CFAP54: variants seen among roughly 807,000 people sequenced by gnomAD.
The protein encoded by CFAP54 is cilia- and flagella-associated protein 54.
In CFAP54, 290 loss-of-function variants were observed where a neutral mutation model predicts 370.4. The observed-to-expected ratio is 0.78, with a 90% CI of 0.71 to 0.86. CFAP54 has a LOEUF of 0.86. Among genes scored for constraint, CFAP54 ranks in the 40% least tolerant of loss-of-function variants. The pLI, the probability that CFAP54 is intolerant of heterozygous loss-of-function variation, is 0.00. For synonymous variants in CFAP54, 1,206 were observed against 1,236.5 expected (o/e 0.98, Z 0.52); for missense variants, 3,399 against 3,528.7 (o/e 0.96, Z 0.93).
At chr12:96,753,283 GACAAAACAAA>G (rs563084899) in intron 55 of CFAP54, among the ~76,000 whole-genome samples, 9 of 152,142 alleles carry the variant, frequency 5.9e-5, no homozygotes, top group African/African-American at 1.9e-4. Context: ...TAGTGGAGAT[GACAAAACAAA>G]ACAAAACAAA....
intron 44 of CFAP54, among the ~76,000 whole-genome samples, chr12:96,692,322 G>T (rs528805227): frequency 6.6e-6 from 1 of 152,066 alleles, no homozygotes; most frequent in African/African-American, 2.4e-5. Context: ...TGAAGAAATA[G>T]TTCTATCCCC....
intron 9 of CFAP54, among the ~76,000 whole-genome samples, chr12:96,531,980 C>A (rs1025723915): frequency 2.0e-5 from 3 of 152,228 alleles, no homozygotes; most frequent in African/African-American, 7.2e-5. Flanking sequence ...CCTGCCTTGG[C>A]CTCCCAAGGT....
intron 65 of CFAP54, among the ~76,000 whole-genome samples, chr12:96,825,082 A>G (rs1381125221): frequency 6.7e-6 from 1 of 149,326 alleles, no homozygotes; most frequent in Non-Finnish European, 1.5e-5. Flanking sequence ...AATCTCTACC[A>G]GTTGAAGTTG....
chr12:96,712,355 T>C (rs1175605537), intron 48 of CFAP54, among the ~76,000 whole-genome samples: 9 of 152,172 alleles, frequency 5.9e-5, no homozygotes, highest in African/African-American at 2.2e-4. Flanking sequence ...TAAATTCTCA[T>C]ATGTACCAGG....
intron 66 of CFAP54, 49 bp downstream of exon 66, chr12:96,829,137 T>C: frequency 9.5e-7 from 1 of 1,051,028 alleles, no homozygotes; most frequent in Non-Finnish European, 1.4e-6. Flanking sequence ...ACAAGTATTA[T>C]TGCTATGAAA....
At chr12:96,848,136 G>A (rs150093561) in intron 66 of CFAP54, among the ~76,000 whole-genome samples, 229 of 152,196 alleles carry the variant, frequency 1.5e-3, no homozygotes, top group African/African-American at 5.3e-3. Context: ...TAGTACAATG[G>A]CACAATCTTG....
chr12:96,740,111 A>G (rs1958034526), intron 51 of CFAP54, 50 bp downstream of exon 51: 1 of 1,010,492 alleles, frequency 9.9e-7, no homozygotes, highest in Non-Finnish European at 1.5e-6. Context: ...TATAAGAACT[A>G]TTGGCATGCT....
chr12:96,711,222 T>C (rs1957610249), intron 48 of CFAP54, among the ~76,000 whole-genome samples: 1 of 150,004 alleles, frequency 6.7e-6, no homozygotes, highest in African/African-American at 2.4e-5. Context: ...TTTATAATTC[T>C]TTTTTTAAAT....
intron 63 of CFAP54, among the ~76,000 whole-genome samples, chr12:96,803,985 A>T (rs1264827488): frequency 6.6e-6 from 1 of 152,174 alleles, no homozygotes; most frequent in Non-Finnish European, 1.5e-5. Context: ...ACCAATACAA[A>T]GAAATCAGAA....
intron 6 of CFAP54, among the ~76,000 whole-genome samples, chr12:96,521,280 T>C (rs1429183353): frequency 6.6e-6 from 1 of 152,232 alleles, no homozygotes; most frequent in Non-Finnish European, 1.5e-5. Context: ...AACTCATTTG[T>C]TATCTCTAGA....
intron 39 of CFAP54, among the ~76,000 whole-genome samples, chr12:96,670,554 G>C (rs549872608): frequency 5.3e-4 from 80 of 152,322 alleles, no homozygotes; most frequent in Non-Finnish European, 1.0e-3. Flanking sequence ...TTCCTATGCT[G>C]TACTCAAGAT....
At chr12:96,506,075 C>A (rs924431658) in intron 3 of CFAP54, among the ~76,000 whole-genome samples, 4 of 152,130 alleles carry the variant, frequency 2.6e-5, no homozygotes, top group Non-Finnish European at 5.9e-5. Flanking sequence ...CGCGGTGGCT[C>A]ACGCCTGTAA....
intron 32 of CFAP54, among the ~76,000 whole-genome samples, chr12:96,631,271 A>G (rs899913653): frequency 1.3e-5 from 2 of 151,898 alleles, no homozygotes; most frequent in Non-Finnish European, 2.9e-5. Flanking sequence ...TATAACAACT[A>G]TGCAACTTAA....
chr12:96,532,801 TG>T (rs912294227), intron 9 of CFAP54, among the ~76,000 whole-genome samples: 1 of 152,002 alleles, frequency 6.6e-6, no homozygotes, highest in African/African-American at 2.4e-5. Context: ...TTGTATTTTT[TG>T]TAGAGGTGGG....
intron 32 of CFAP54, among the ~76,000 whole-genome samples, chr12:96,635,328 A>G (rs902073359): frequency 6.6e-6 from 1 of 152,010 alleles, no homozygotes; most frequent in Non-Finnish European, 1.5e-5. Context: ...TTTGTTGAAT[A>G]TTTCTTTTTC....
rs190331123 is a variant in CFAP54, at chr12:96,627,214, T to A, written c.4103+275T>A. ...TATTGAGTCAGGATGGATAATAGTA[T>A]CTCTAGGCCATCAGTTCTTTCTCAC... On this transcript the variant is annotated intron_variant, in intron 30 of 67. Coordinates refer to ENST00000524981, the MANE Select transcript of CFAP54 (RefSeq NM_001306084.2). Among the ~76,000 whole-genome samples, 13 of 152,330 alleles carry A rather than the reference T, an allele frequency of 8.5e-5. No individual in the cohort carries two copies. In the East Asian group the frequency reaches 2.5e-3, roughly 29 times the overall value.
At chr12:96,855,871 G>A (rs1375435060) in intron 66 of CFAP54, among the ~76,000 whole-genome samples, 1 of 152,192 alleles carries the variant, frequency 6.6e-6, no homozygotes, top group Non-Finnish European at 1.5e-5. Context: ...CTGTATGGGA[G>A]CTCTGACCCT....
intron 56 of CFAP54, among the ~76,000 whole-genome samples, chr12:96,755,574 G>T (rs942250978): frequency 6.6e-6 from 1 of 151,622 alleles, no homozygotes; most frequent in African/African-American, 2.4e-5. Context: ...TGTCCTCCAG[G>T]TTCATCCATG....
intron 48 of CFAP54, among the ~76,000 whole-genome samples, chr12:96,716,069 G>A (rs1957674331): frequency 6.6e-6 from 1 of 152,088 alleles, no homozygotes; most frequent in Admixed American, 6.5e-5. Flanking sequence ...GATTTTAGTT[G>A]ATTTTAATTC....
Sources: gnomAD v4.1 joint callset for allele counts (sites outside exome capture counted in the v4.1 genomes callset) on GRCh38, gnomAD v4.1.1 for gene constraint, MANE v1.5 for transcripts, NCBI Gene and HGNC (gene_info 2026-07-23, HGNC 2026-07-21) for gene names.